MDGA2: variants seen among roughly 807,000 people sequenced by gnomAD.
MDGA2 encodes MAM domain containing glycosylphosphatidylinositol anchor 2, also known as MAM domain-containing glycosylphosphatidylinositol anchor protein 2.
In MDGA2, 40 loss-of-function variants were observed where a neutral mutation model predicts 117.8. The ratio of observed to expected loss-of-function variants is 0.34; its 90% CI spans 0.26 to 0.44. The LOEUF (loss-of-function observed/expected upper bound fraction) is 0.44, where lower values mean the gene tolerates loss of function less well. Ranked by LOEUF, MDGA2 falls within the 20% of genes least tolerant of loss-of-function variation. MDGA2 has a pLI of 1.00. For synonymous variants in MDGA2, 452 were observed against 439.0 expected, an observed-to-expected ratio of 1.03 and a Z score of -0.37; for missense variants, 1,123 against 1,250.6, an observed-to-expected ratio of 0.90 and a Z score of 1.54.
At chr14:47,550,373 C>T (rs1329413399) in intron 1 of MDGA2, among the ~76,000 whole-genome samples, 1 of 152,134 alleles carries the variant, frequency 6.6e-6, no homozygotes, top group African/African-American at 2.4e-5. Context: ...GGATACAGTA[C>T]AATATGTTTG....
chr14:47,610,160 G>A (rs951393960), intron 1 of MDGA2, among the ~76,000 whole-genome samples: 2 of 152,002 alleles, frequency 1.3e-5, no homozygotes, highest in East Asian at 3.9e-4. Context: ...GCATAAAAGG[G>A]ATATACCTCA....
chr14:47,517,295 C>G (rs966774371), intron 1 of MDGA2, among the ~76,000 whole-genome samples: 1 of 151,992 alleles, frequency 6.6e-6, no homozygotes, highest in Non-Finnish European at 1.5e-5. Flanking sequence ...CACCCCAGAG[C>G]TCCGAAGGAA....
At chr14:47,293,192 T>C (rs1389985586) in intron 2 of MDGA2, among the ~76,000 whole-genome samples, 1 of 152,182 alleles carries the variant, frequency 6.6e-6, no homozygotes, top group African/African-American at 2.4e-5. Context: ...ATAATAAATA[T>C]GTGCTAACAT....
At chr14:46,958,002 G>A (rs1246844361) in intron 8 of MDGA2, among the ~76,000 whole-genome samples, 2 of 152,036 alleles carry the variant, frequency 1.3e-5, no homozygotes, top group African/African-American at 4.8e-5. Context: ...AAAGTGGTAA[G>A]AATTCTTTTT....
chr14:46,989,903 A>G (rs1429364361), intron 8 of MDGA2, among the ~76,000 whole-genome samples: 1 of 152,134 alleles, frequency 6.6e-6, no homozygotes, highest in Non-Finnish European at 1.5e-5. Flanking sequence ...AATTTCTGGT[A>G]CTAGTATCCC....
At chr14:47,061,147 T>C (rs1889866741) in intron 7 of MDGA2, 102 bp downstream of exon 7, 1 of 1,155,808 alleles carries the variant, frequency 8.7e-7, no homozygotes, top group Admixed American at 2.4e-5. Flanking sequence ...TTTAGGAAAC[T>C]TAAAAGGGAA....
chr14:47,140,634 G>C (rs1054231407), intron 4 of MDGA2, among the ~76,000 whole-genome samples: 4 of 152,050 alleles, frequency 2.6e-5, no homozygotes, highest in African/African-American at 9.7e-5. Flanking sequence ...TTCACATGCA[G>C]AAAAGTAAAG....
chr14:47,651,484 T>G (rs1307151505), intron 1 of MDGA2, among the ~76,000 whole-genome samples: 1 of 151,584 alleles, frequency 6.6e-6, no homozygotes, highest in Non-Finnish European at 1.5e-5. Context: ...ATATCTGGAG[T>G]GTGTGAGAAT....
At chr14:47,595,762 G>A (rs1408939794) in intron 1 of MDGA2, among the ~76,000 whole-genome samples, 1 of 152,094 alleles carries the variant, frequency 6.6e-6, no homozygotes, top group East Asian at 1.9e-4. Flanking sequence ...CTCTAGGCAA[G>A]GGCATAAGGC....
chr14:47,283,611 T>A (rs1313257650), intron 2 of MDGA2, among the ~76,000 whole-genome samples: 2 of 152,222 alleles, frequency 1.3e-5, no homozygotes, highest in Admixed American at 1.3e-4. Context: ...CAATTATGCA[T>A]TCTGCCATAA....
intron 1 of MDGA2, among the ~76,000 whole-genome samples, chr14:47,524,512 G>A (rs1372794852): frequency 6.6e-6 from 1 of 152,116 alleles, no homozygotes; most frequent in East Asian, 1.9e-4. Flanking sequence ...TCATCTGAGT[G>A]TCCTGAAAAG....
chr14:47,243,010 G>C (rs976067443), intron 2 of MDGA2, among the ~76,000 whole-genome samples: 1 of 151,708 alleles, frequency 6.6e-6, no homozygotes, highest in Non-Finnish European at 1.5e-5. Context: ...TGCACCAGTC[G>C]ACACTCTGTA....
intron 8 of MDGA2, among the ~76,000 whole-genome samples, chr14:46,961,319 T>G (rs1427871438): frequency 6.6e-6 from 1 of 152,164 alleles, no homozygotes; most frequent in African/African-American, 2.4e-5. Flanking sequence ...TTTCCTTCTT[T>G]ATAGCCTCAT....
chr14:47,542,495 T>C (rs1271028032), intron 1 of MDGA2, among the ~76,000 whole-genome samples: 2 of 152,196 alleles, frequency 1.3e-5, no homozygotes, highest in East Asian at 3.9e-4. Flanking sequence ...AAGTCAGAGG[T>C]TGATTATGAT....
chr14:47,408,056 CTTTT>C (rs56285818), intron 1 of MDGA2, among the ~76,000 whole-genome samples: 12 of 115,154 alleles, frequency 1.0e-4, no homozygotes, highest in Admixed American at 2.0e-4. Flanking sequence ...GGAGATTATT[CTTTT>C]TTTTTTTTTT....
At chr14:47,475,635 C>A (rs1893820209) in intron 1 of MDGA2, among the ~76,000 whole-genome samples, 1 of 152,150 alleles carries the variant, frequency 6.6e-6, no homozygotes, top group Admixed American at 6.6e-5. Context: ...CCATGTAATA[C>A]TATGCAGCCA....
At chr14:46,932,056 A>C (rs939696257) in intron 9 of MDGA2, among the ~76,000 whole-genome samples, 1 of 152,134 alleles carries the variant, frequency 6.6e-6, no homozygotes, top group African/African-American at 2.4e-5. Context: ...TATGTTTTTT[A>C]CAGTACTCAA....
intron 1 of MDGA2, among the ~76,000 whole-genome samples, chr14:47,421,145 C>T (rs1418427336): frequency 6.6e-6 from 1 of 152,072 alleles, no homozygotes; most frequent in African/African-American, 2.4e-5. Flanking sequence ...AACCTACTCT[C>T]TGGGTCAGTT....
intron 15 of MDGA2, among the ~76,000 whole-genome samples, chr14:46,847,908 G>C (rs1880904792): frequency 6.6e-6 from 1 of 151,972 alleles, no homozygotes; most frequent in Non-Finnish European, 1.5e-5. Context: ...CCAAAAAGTA[G>C]GTTTTTAAGT....
Sources: gnomAD v4.1 joint callset for allele counts (sites outside exome capture counted in the v4.1 genomes callset) on GRCh38, gnomAD v4.1.1 for gene constraint, MANE v1.5 for transcripts, NCBI Gene and HGNC (gene_info 2026-07-23, HGNC 2026-07-21) for gene names.